BACH2: variants seen among roughly 807,000 people sequenced by gnomAD.
The protein encoded by BACH2 is BACH transcriptional regulator 2.
In BACH2, 5 loss-of-function variants were observed where a neutral mutation model predicts 61.8. The observed-to-expected ratio is 0.08, with a 90% confidence interval of 0.04 to 0.17. The LOEUF is 0.17. Ranked by LOEUF, BACH2 falls within the 10% of genes least tolerant of loss-of-function variation. BACH2 has a pLI of 1.00. For missense variants in BACH2, 824 were observed against 1,091.1 expected, an observed-to-expected ratio of 0.76 and a Z score of 3.45; for synonymous variants, 446 against 440.1, an observed-to-expected ratio of 1.01 and a Z score of -0.17.
At chr6:90,090,260 G>GT (rs574578479) in intron 4 of BACH2, among the ~76,000 whole-genome samples, 158 of 151,994 alleles carry the variant, frequency 1.0e-3, no homozygotes, top group Admixed American at 6.9e-3. Flanking sequence ...GTTGCAGATT[G>GT]TTTTTTTCTT....
intron 4 of BACH2, among the ~76,000 whole-genome samples, chr6:90,091,557 T>C (rs1466566650): frequency 6.6e-6 from 1 of 152,198 alleles, no homozygotes; most frequent in Non-Finnish European, 1.5e-5. Flanking sequence ...CCTTTATGTA[T>C]ATTTAACCTT....
chr6:90,016,444 T>C (rs1004123525), intron 5 of BACH2, among the ~76,000 whole-genome samples: 1 of 152,228 alleles, frequency 6.6e-6, no homozygotes, highest in Non-Finnish European at 1.5e-5. Flanking sequence ...GGATTTATAA[T>C]ATGCTTCTTT....
intron 5 of BACH2, among the ~76,000 whole-genome samples, chr6:90,054,700 G>A (rs1440051724): frequency 6.6e-6 from 1 of 152,114 alleles, no homozygotes; most frequent in Non-Finnish European, 1.5e-5. Flanking sequence ...GACCCCCGAG[G>A]AGCCTAACTG....
intron 4 of BACH2, among the ~76,000 whole-genome samples, chr6:90,202,259 A>G (rs1221802733): frequency 6.6e-6 from 1 of 152,194 alleles, no homozygotes; most frequent in Non-Finnish European, 1.5e-5. Context: ...TCTGGACTTC[A>G]CAGCTTCATA....
At chr6:90,072,145 T>G (rs1421358533) in intron 5 of BACH2, among the ~76,000 whole-genome samples, 1 of 152,224 alleles carries the variant, frequency 6.6e-6, no homozygotes, top group Admixed American at 6.5e-5. Context: ...GTTCTCCTGT[T>G]TTAAGAAGTA....
chr6:89,926,781 C>A lies in BACH2; in HGVS notation c.*5627G>T, dbSNP rs557163098. 2 of 152,496 alleles carry A rather than the reference C, an allele frequency of 1.3e-5. No individual in the cohort carries two copies. The highest frequency in any genetic ancestry group is 4.8e-5 in the African/African-American group (2 of 41,472). 9.4% of individuals were successfully genotyped at this position (152,496 alleles called of 1,614,324 possible). On this transcript the variant is annotated 3_prime_UTR_variant, in exon 9 of 9. Transcript: ENST00000257749. ...TTACAATAAAAACCACGAGAAAAAC[C>A]ACAATCACTTAGAAAAAAATAAGGA...
chr6:90,008,825 G>A lies in BACH2; in HGVS notation c.20C>T (p.Pro7Leu). 1 of 1,614,156 alleles carries A rather than the reference G, an allele frequency of 6.2e-7. No homozygotes were observed. Among genetic ancestry groups the A allele is most frequent in the Non-Finnish European group, 8.5e-7 (1 of 1,180,022 alleles). Residue 7 changes from proline (P) to leucine (L), a missense_variant, in exon 6 of 9, where the codon CCT (proline) becomes CTT (leucine). Physicochemically the swap from Pro to Leu is moderately conservative, Grantham distance 98. Transcript: ENST00000257749. This position sits in a 1 kb window ranked among gnomAD's most constrained non-coding sequence, Gnocchi z 4.1. ...CTCATACACATACATGGGGGAGTCA[G>A]GCTTCTCATCCACAGACATGCCGTT... Reference protein sequence around the residue: MSVDEKPDSPMYVYEST... With the variant: MSVDEKLDSPMYVYEST...
At chr6:90,246,527 A>G (rs1770643651) in intron 3 of BACH2, among the ~76,000 whole-genome samples, 1 of 152,160 alleles carries the variant, frequency 6.6e-6, no homozygotes, top group Non-Finnish European at 1.5e-5. Flanking sequence ...GTGTATTAAG[A>G]TACATACATT....
At chr6:90,159,042 C>T (rs1199734063) in intron 4 of BACH2, among the ~76,000 whole-genome samples, 2 of 152,176 alleles carry the variant, frequency 1.3e-5, no homozygotes, top group African/African-American at 4.8e-5. Flanking sequence ...ATTTCTTTTA[C>T]CACATGGATG....
At position 90,014,023 on chromosome 6, in the gene BACH2, A is replaced by G. The variant is rs544720398; in HGVS notation, c.-12-5167T>C. On this transcript the variant is annotated intron_variant, in intron 5 of 8. Transcript: ENST00000257749. ...GCTCTTGAATTCCTGGCCTCAAGCA[A>G]TCCTCGTACCTTGGTCTCTCAAAGT... 2.0e-5 allele frequency among the ~76,000 whole-genome samples: 3 copies of G among 152,116 alleles called. No homozygotes were observed. The South Asian group carries it at 6.2e-4, about 32-fold the overall frequency.
chr6:89,939,863 C>T (rs1187689139), intron 7 of BACH2, among the ~76,000 whole-genome samples: 3 of 134,618 alleles, frequency 2.2e-5, no homozygotes, highest in Admixed American at 7.9e-5. Context: ...TGAGGTCTTG[C>T]GCCACAGAGA....
intron 4 of BACH2, among the ~76,000 whole-genome samples, chr6:90,148,037 G>C (rs1001178175): frequency 1.3e-5 from 2 of 152,192 alleles, no homozygotes; most frequent in Admixed American, 6.5e-5. Flanking sequence ...TGATGAGACA[G>C]AGGTACAGAG....
chr6:90,156,016 G>A (rs1784984870), intron 4 of BACH2, among the ~76,000 whole-genome samples: 1 of 152,090 alleles, frequency 6.6e-6, no homozygotes, highest in African/African-American at 2.4e-5. Context: ...AATCACCAAA[G>A]TTTTAAAAAA....
At chr6:90,047,715 C>G (rs1406288231) in intron 5 of BACH2, among the ~76,000 whole-genome samples, 1 of 152,144 alleles carries the variant, frequency 6.6e-6, no homozygotes, top group African/African-American at 2.4e-5. Context: ...GTCAGTGCCT[C>G]CTGTAGAGTC....
At chr6:90,031,630 A>G (rs888496860) in intron 5 of BACH2, among the ~76,000 whole-genome samples, 3 of 152,330 alleles carry the variant, frequency 2.0e-5, no homozygotes, top group East Asian at 1.9e-4. Flanking sequence ...TAAAATACTT[A>G]GGAATCCAAC....
intron 5 of BACH2, among the ~76,000 whole-genome samples, chr6:90,050,338 CAACT>C (rs1359756872): frequency 6.6e-6 from 1 of 152,150 alleles, no homozygotes; most frequent in Non-Finnish European, 1.5e-5. Flanking sequence ...TTCCATATTG[CAACT>C]AACTTTTAAG....
chr6:90,088,519 T>C (rs1246545252), intron 5 of BACH2, among the ~76,000 whole-genome samples: 1 of 149,972 alleles, frequency 6.7e-6, no homozygotes, highest in Non-Finnish European at 1.5e-5. Context: ...AAGCAAAGCA[T>C]TAAATTTCTT....
intron 6 of BACH2, among the ~76,000 whole-genome samples, chr6:89,995,154 T>A (rs778733250): frequency 1.1e-4 from 17 of 152,220 alleles, no homozygotes; most frequent in Non-Finnish European, 1.9e-4. Context: ...CTTGTTTAAC[T>A]TAGCGCAGTC....
chr6:90,026,420 C>T (rs574808541), intron 5 of BACH2, among the ~76,000 whole-genome samples: 88 of 152,258 alleles, frequency 5.8e-4, no homozygotes, highest in African/African-American at 1.8e-3. Flanking sequence ...CTTGAGTTTC[C>T]ATGTGAAGTC....
Sources: allele counts gnomAD v4.1 joint callset (sites outside exome capture counted in the v4.1 genomes callset), GRCh38; gene constraint gnomAD v4.1.1; non-coding constraint Gnocchi (gnomAD v3.1); transcripts MANE v1.5; gene names NCBI Gene and HGNC (gene_info 2026-07-23, HGNC 2026-07-21).